Variants in CHD9 observed in about 807,000 individuals in gnomAD.
The protein encoded by CHD9 is chromodomain helicase DNA binding protein 9.
A neutral mutation model predicts 316.1 loss-of-function variants in CHD9; 77 were observed. The observed-to-expected ratio is 0.24, with a 90% CI of 0.20 to 0.29. CHD9 has a LOEUF of 0.29. Among genes scored for constraint, CHD9 ranks in the 10% least tolerant of loss-of-function variants. CHD9 has a pLI of 1.00. For synonymous variants in CHD9, 1,129 were observed against 1,158.3 expected (o/e 0.97, Z 0.51); for missense variants, 2,763 against 3,438.1 (o/e 0.80, Z 4.91).
In CHD9 at chr16:53,238,467, A is replaced by G. The variant is rs373993921; in HGVS notation, c.2758A>G (p.Ile920Val). 35 of 1,613,020 alleles carry G rather than the reference A, an allele frequency of 2.2e-5. No homozygotes were observed. Among genetic ancestry groups the G allele is most frequent in the Non-Finnish European group, 3.0e-5 (35 of 1,179,296 alleles). ...CCTGATTATTGCTCCACTTTCTACT[A>G]TTGCAAACTGGGAGAGAGAATTTCG... ...PFLIIAPLST[I>V]ANWEREFRTW... Residue 920 changes from isoleucine (I) to valine (V), a missense_variant, in exon 12 of 39, where the codon ATT becomes GTT. This residue lies in a region of CHD9 where 186 missense variants were observed against 245.0 expected (regional missense o/e 0.76). Transcript: ENST00000447540.
intron 13 of CHD9, among the ~76,000 whole-genome samples, chr16:53,244,414 G>C (rs2049384321): frequency 6.6e-6 from 1 of 152,014 alleles, no homozygotes; most frequent in Non-Finnish European, 1.5e-5. Flanking sequence ...GGATGGTCTT[G>C]ATCTCCGACC....
intron 1 of CHD9, among the ~76,000 whole-genome samples, chr16:53,058,986 G>A (rs2032530375): frequency 6.6e-6 from 1 of 152,142 alleles, no homozygotes; most frequent in South Asian, 2.1e-4. Context: ...CCAAGTAGCT[G>A]GGGCTACAGG....
At position 53,245,567 on chromosome 16, in the gene CHD9, A is replaced by G. The variant is rs200917982; in HGVS notation, c.3199-28A>G. ...GTGTAATTAAATGCTCACTTATGTT[A>G]TATGTCTTTTTATCATTTTTTATTC... is the stretch of plus-strand genomic sequence containing the variant. On this transcript the variant is annotated intron_variant, in intron 14 of 38. Coordinates refer to ENST00000447540, the MANE Select transcript of CHD9 (RefSeq NM_001308319.2). This position sits in a 1 kb window ranked among gnomAD's most constrained non-coding sequence, Gnocchi z 4.1. 2.6e-6 allele frequency: 4 copies of G among 1,540,536 alleles called. No homozygotes were observed. The highest frequency in any genetic ancestry group is 3.5e-6 in the Non-Finnish European group (4 of 1,148,294).
chr16:53,209,896 G>A (rs2046191836), intron 3 of CHD9, 83 bp downstream of exon 3: 5 of 941,606 alleles, frequency 5.3e-6, no homozygotes, highest in Middle Eastern at 3.3e-4. Flanking sequence ...TTTGATTTGA[G>A]TATATTTACT....
At chr16:53,204,123 C>T (rs1461505850) in intron 2 of CHD9, among the ~76,000 whole-genome samples, 1 of 142,066 alleles carries the variant, frequency 7.0e-6, no homozygotes, top group African/African-American at 2.6e-5. Flanking sequence ...ATCTAGATAA[C>T]GTGTGTGTGT....
intron 17 of CHD9, among the ~76,000 whole-genome samples, chr16:53,253,759 T>C (rs1028837916): frequency 2.0e-5 from 3 of 152,082 alleles, no homozygotes; most frequent in Non-Finnish European, 2.9e-5. Flanking sequence ...AGGAGTTCGA[T>C]TGGGCAACAT....
chr16:53,251,134 A>G (rs1009829227), intron 17 of CHD9, among the ~76,000 whole-genome samples: 12 of 152,222 alleles, frequency 7.9e-5, no homozygotes, highest in African/African-American at 2.9e-4. Flanking sequence ...TTTGTGTGCC[A>G]CATAAGATCT....
At chr16:53,062,876 C>A (rs2033068123) in intron 1 of CHD9, among the ~76,000 whole-genome samples, 1 of 151,990 alleles carries the variant, frequency 6.6e-6, no homozygotes, top group African/African-American at 2.4e-5. Flanking sequence ...ACTAAAAATA[C>A]AAAATTAGCC....
At chr16:53,309,145 C>T (rs2056244658) in intron 34 of CHD9, among the ~76,000 whole-genome samples, 1 of 152,096 alleles carries the variant, frequency 6.6e-6, no homozygotes, top group Non-Finnish European at 1.5e-5. Flanking sequence ...TTCAGTATCA[C>T]AAATTAATGG....
chr16:53,188,980 T>C (rs1331133060), intron 2 of CHD9, among the ~76,000 whole-genome samples: 1 of 152,156 alleles, frequency 6.6e-6, no homozygotes, highest in East Asian at 1.9e-4. Flanking sequence ...GAGTTATTTA[T>C]ATATTTTAGA....
At chr16:53,078,318 T>C (rs954429812) in intron 1 of CHD9, among the ~76,000 whole-genome samples, 1 of 152,130 alleles carries the variant, frequency 6.6e-6, no homozygotes, top group Non-Finnish European at 1.5e-5. Context: ...AATTGATTCA[T>C]GATGTTTTCA....
chr16:53,281,121 T>G (rs1041285536), intron 24 of CHD9, among the ~76,000 whole-genome samples: 4 of 152,238 alleles, frequency 2.6e-5, no homozygotes, highest in African/African-American at 9.6e-5. Context: ...ATACCAAATA[T>G]GATCTATAAA....
chr16:53,106,752 T>A (rs966624016), intron 1 of CHD9, among the ~76,000 whole-genome samples: 3 of 152,024 alleles, frequency 2.0e-5, no homozygotes, highest in South Asian at 2.1e-4. Context: ...CTACCCTACA[T>A]CTATTCTAGA....
At chr16:53,135,279 C>T (rs1016887504) in intron 1 of CHD9, among the ~76,000 whole-genome samples, 1 of 152,114 alleles carries the variant, frequency 6.6e-6, no homozygotes, top group Admixed American at 6.6e-5. Context: ...TAAAGACTTA[C>T]AGGTTTTACT....
intron 2 of CHD9, among the ~76,000 whole-genome samples, chr16:53,196,274 T>A (rs954896270): frequency 6.6e-6 from 1 of 152,148 alleles, no homozygotes; most frequent in African/African-American, 2.4e-5. Flanking sequence ...CAAGATACAG[T>A]TTGGTTCCAT....
intron 2 of CHD9, among the ~76,000 whole-genome samples, chr16:53,180,028 C>CTTTTT (rs767442053): frequency 7.4e-6 from 1 of 135,562 alleles, no homozygotes; most frequent in Non-Finnish European, 1.6e-5. Context: ...ACCTTACCTT[C>CTTTTT]TTTTTTTTTT....
intron 1 of CHD9, among the ~76,000 whole-genome samples, chr16:53,100,358 G>A (rs1330222073): frequency 6.6e-6 from 1 of 151,672 alleles, no homozygotes; most frequent in Non-Finnish European, 1.5e-5. Context: ...TAAAAGAGAA[G>A]TGATCCTTGG....
chr16:53,324,442 T>A lies in CHD9; in HGVS notation c.8241T>A (p.Ser2747=). Residue 2747 remains serine (S), a synonymous_variant, in exon 39 of 39, where the codon TCT becomes TCA. Transcript: ENST00000447540. ...CAGAAGACAAAAAGGGAAGTGACTCTAAGGAGTCAGAAGGAAAAACAGAAA... is the reference window on the plus strand; with the variant it reads ...CAGAAGACAAAAAGGGAAGTGACTCAAAGGAGTCAGAAGGAAAAACAGAAA... ...SGTEDKKGSD[S]KESEGKTERT... The A allele has an allele frequency of 6.2e-7, 1 of 1,613,686 alleles. No individual in the cohort carries two copies. The highest frequency in any genetic ancestry group is 8.5e-7 in the Non-Finnish European group (1 of 1,179,620).
intron 2 of CHD9, among the ~76,000 whole-genome samples, chr16:53,162,783 C>CA (rs1234899531): frequency 0.04 from 5,385 of 133,910 alleles, 339 homozygotes; most frequent in African/African-American, 0.14. Context: ...ACATATAAGC[C>CA]TTTTTTTTTT....
Sources: gnomAD v4.1 joint callset for allele counts (sites outside exome capture counted in the v4.1 genomes callset) on GRCh38, gnomAD v4.1.1 for gene constraint, gnomAD v4.1.1 regional missense constraint, Gnocchi (gnomAD v3.1) non-coding constraint, MANE v1.5 for transcripts, NCBI Gene and HGNC (gene_info 2026-07-23, HGNC 2026-07-21) for gene names.